The following PAIP2B variants were observed in gnomAD, a reference collection of about 807,000 sequenced individuals.
The protein encoded by PAIP2B is polyadenylate-binding protein-interacting protein 2B.
In PAIP2B, 13 loss-of-function variants were observed where a neutral mutation model predicts 17.0. The observed-to-expected ratio is 0.76, with a 90% confidence interval of 0.50 to 1.22. The LOEUF (loss-of-function observed/expected upper bound fraction) is 1.22, where lower values mean the gene tolerates loss of function less well. Among genes scored for constraint, PAIP2B ranks in the 50% most tolerant of loss-of-function variants. The pLI is 0.00. For synonymous variants in PAIP2B, 43 were observed against 48.7 expected (o/e 0.88, Z 0.48); for missense variants, 117 against 144.5 (o/e 0.81, Z 0.98).
intron 1 of PAIP2B, among the ~76,000 whole-genome samples, chr2:71,211,199 C>T (rs546621254): frequency 6.6e-5 from 10 of 151,318 alleles, no homozygotes; most frequent in African/African-American, 2.2e-4. Flanking sequence ...GCAGAGGTTG[C>T]AGTGAGCCGA....
At chr2:71,210,362 T>C (rs890140493) in intron 1 of PAIP2B, among the ~76,000 whole-genome samples, 4 of 152,214 alleles carry the variant, frequency 2.6e-5, no homozygotes, top group African/African-American at 7.2e-5. Flanking sequence ...ATTAGAATGA[T>C]TTTGTCCCAT....
chr2:71,214,325 T>C (rs2103813055), intron 1 of PAIP2B, among the ~76,000 whole-genome samples: 1 of 152,314 alleles, frequency 6.6e-6, no homozygotes, highest in South Asian at 2.1e-4. Flanking sequence ...ATATTAAAAA[T>C]GGGGTTCGGA....
chr2:71,207,888 A>G (rs1675178540), intron 1 of PAIP2B, among the ~76,000 whole-genome samples: 1 of 152,166 alleles, frequency 6.6e-6, no homozygotes, highest in Non-Finnish European at 1.5e-5. Context: ...AAAGGTGATG[A>G]GTTCTATTTT....
chr2:71,214,315 A>G (rs975137251), intron 1 of PAIP2B, among the ~76,000 whole-genome samples: 2 of 152,244 alleles, frequency 1.3e-5, no homozygotes, highest in African/African-American at 4.8e-5. Flanking sequence ...TTGATCTCAA[A>G]TATTAAAAAT....
chr2:71,214,017 A>T (rs78616199), intron 1 of PAIP2B, among the ~76,000 whole-genome samples: 9,340 of 152,074 alleles, frequency 0.061, 1,006 homozygotes, highest in East Asian at 0.55. Context: ...ATTAAAAAAA[A>T]TTTTTTTAGA....
chr2:71,213,451 C>T (rs758779616), intron 1 of PAIP2B, among the ~76,000 whole-genome samples: 12 of 151,916 alleles, frequency 7.9e-5, no homozygotes, highest in Non-Finnish European at 1.6e-4. Context: ...CCTTGAGGGA[C>T]GAGGGTAAGG....
intron 1 of PAIP2B, among the ~76,000 whole-genome samples, chr2:71,216,295 T>C (rs1309111459): frequency 1.3e-5 from 2 of 152,190 alleles, no homozygotes; most frequent in African/African-American, 2.4e-5. Flanking sequence ...AAATAACTCT[T>C]ACTTTCATGG....
At chr2:71,201,637 T>C (rs1171054253) in intron 2 of PAIP2B, among the ~76,000 whole-genome samples, 2 of 152,176 alleles carry the variant, frequency 1.3e-5, no homozygotes, top group African/African-American at 4.8e-5. Context: ...CACCTTGGCC[T>C]CCCAAAGTGC....
intron 1 of PAIP2B, among the ~76,000 whole-genome samples, chr2:71,220,291 G>A (rs1265385152): frequency 6.6e-6 from 1 of 152,164 alleles, no homozygotes; most frequent in East Asian, 1.9e-4. Flanking sequence ...CTTGGACAAA[G>A]CAAATGTACT....
rs376979175 is a variant in PAIP2B at position 71,208,967 on chromosome 2, ATGT to A, written c.-11-6370_-11-6368del. Among the ~76,000 whole-genome samples, 307 of 152,284 alleles carry A rather than the reference ATGT, an allele frequency of 2.0e-3. 2 individuals carry two copies. Among genetic ancestry groups the A allele is most frequent in the African/African-American group, 7.0e-3 (290 of 41,554 alleles). ...GGCCTCCAGAACTATGAGACAATAA[ATGT>A]TGTTTTAAGATACCAGTTTGTGGTA... On this transcript the variant is annotated intron_variant, in intron 1 of 3. Coordinates refer to ENST00000244221, the MANE Select transcript of PAIP2B (RefSeq NM_020459.1).
At chr2:71,207,074 T>C (rs900883947) in intron 1 of PAIP2B, among the ~76,000 whole-genome samples, 3 of 152,208 alleles carry the variant, frequency 2.0e-5, no homozygotes, top group African/African-American at 7.2e-5. Flanking sequence ...CTTGCTTTGA[T>C]AGGGTACACA....
chr2:71,192,791 A>C (rs1344364291), intron 2 of PAIP2B, among the ~76,000 whole-genome samples: 1 of 152,134 alleles, frequency 6.6e-6, no homozygotes, highest in East Asian at 1.9e-4. Context: ...TGGCTGCGTA[A>C]TATTCCATGG....
chr2:71,193,141 G>A (rs1239898153), intron 2 of PAIP2B, among the ~76,000 whole-genome samples: 2 of 151,994 alleles, frequency 1.3e-5, no homozygotes, highest in African/African-American at 4.8e-5. Context: ...ATTCTGACTG[G>A]TGTGAAATTG....
At chr2:71,208,372 G>A (rs1299584279) in intron 1 of PAIP2B, among the ~76,000 whole-genome samples, 1 of 151,966 alleles carries the variant, frequency 6.6e-6, no homozygotes, top group Non-Finnish European at 1.5e-5. Context: ...GTAGTGAGCT[G>A]AGATCGCGCC....
chr2:71,200,997 TTGTGTGTGTGGGTGTGTGTG>T (rs1232904326), intron 2 of PAIP2B, among the ~76,000 whole-genome samples: 1 of 111,422 alleles, frequency 9.0e-6, no homozygotes, highest in Non-Finnish European at 1.8e-5. Flanking sequence ...CTCAATCTCT[TTGTGTGTGTGGGTGTGTGTG>T]TGTGTGTGTG....
chr2:71,190,130 T>G, intron 2 of PAIP2B, 109 bp from the exon 3 acceptor site: 2 of 1,130,322 alleles, frequency 1.8e-6, no homozygotes, highest in East Asian at 2.7e-5. Context: ...CAATTAAGAA[T>G]GATCTTGAGC....
chr2:71,222,062 T>C (rs1675596331), intron 1 of PAIP2B, among the ~76,000 whole-genome samples: 2 of 152,178 alleles, frequency 1.3e-5, no homozygotes, highest in South Asian at 4.1e-4. Context: ...GTTCTTTCAC[T>C]CTTCACAATA....
intron 1 of PAIP2B, among the ~76,000 whole-genome samples, chr2:71,220,107 C>T (rs751604344): frequency 5.9e-5 from 9 of 152,196 alleles, no homozygotes; most frequent in Non-Finnish European, 7.3e-5. Flanking sequence ...CCCTATCATA[C>T]TAGCACAAAC....
At chr2:71,190,111 A>T in intron 2 of PAIP2B, 90 bp from the exon 3 acceptor site, 1 of 1,259,352 alleles carries the variant, frequency 7.9e-7, no homozygotes, top group Middle Eastern at 2.8e-4. Flanking sequence ...TTCAGAAGGT[A>T]TTACTCTGCA....
Sources: gnomAD v4.1 joint callset for allele counts (sites outside exome capture counted in the v4.1 genomes callset) on GRCh38, gnomAD v4.1.1 for gene constraint, MANE v1.5 for transcripts, NCBI Gene and HGNC (gene_info 2026-07-23, HGNC 2026-07-21) for gene names.